DSTYK: variants seen among roughly 807,000 people sequenced by gnomAD.
The protein encoded by DSTYK is RIP-homologous kinase.
A neutral mutation model predicts 98.7 loss-of-function variants in DSTYK; 34 were observed. The ratio of observed to expected loss-of-function variants is 0.34; its 90% CI spans 0.26 to 0.46. The LOEUF (loss-of-function observed/expected upper bound fraction) is 0.46. Among genes scored for constraint, DSTYK ranks in the 20% least tolerant of loss-of-function variants. DSTYK has a pLI of 1.00. For missense variants in DSTYK, 962 were observed against 1,181.7 expected (o/e 0.81, Z 2.73); for synonymous variants, 462 against 457.3 (o/e 1.01, Z -0.13).
chr1:205,175,913 A>G (rs1658215503), intron 2 of DSTYK, among the ~76,000 whole-genome samples: 3 of 152,230 alleles, frequency 2.0e-5, no homozygotes, highest in African/African-American at 7.2e-5. Context: ...AAAATCTTCT[A>G]TCTTTCAACT....
Position 205,169,683 on chromosome 1 carries a change from G to C in DSTYK, c.804C>G (p.Ile268Met). The C allele has an allele frequency of 1.2e-6, 2 of 1,614,198 alleles. No homozygotes were observed. Among genetic ancestry groups the C allele is most frequent in the Non-Finnish European group, 1.7e-6 (2 of 1,180,028 alleles). The change falls in exon 3 of 13, where the codon ATC becomes ATG. Residue 268 changes from isoleucine to methionine, a missense_variant. Ile to Met is a conservative substitution (Grantham distance 10). Transcript: ENST00000367162. This position sits in a 1 kb window ranked among gnomAD's most constrained non-coding sequence, Gnocchi z 4.0. ...SERDEQELQE[I>M]RKYFSFPVFF... ...ATACAGGAAAGGAGAAATACTTTCG[G>C]ATTTCCTGAAGCTCTTGCTCATCCC...
chr1:205,186,132 G>A (rs1034170307), intron 2 of DSTYK, among the ~76,000 whole-genome samples: 2 of 152,236 alleles, frequency 1.3e-5, no homozygotes, highest in Non-Finnish European at 2.9e-5. Flanking sequence ...GAGAGACTGT[G>A]TATGGATGGA....
intron 1 of DSTYK, among the ~76,000 whole-genome samples, chr1:205,205,594 C>T (rs542354517): frequency 4.3e-4 from 65 of 152,050 alleles, no homozygotes; most frequent in African/African-American, 1.5e-3. Context: ...TATAGGCCCG[C>T]ACCGCCATGC....
chr1:205,202,388 CGTTG>C, intron 1 of DSTYK: 2 of 735,570 alleles, frequency 2.7e-6, no homozygotes, highest in Non-Finnish European at 2.5e-6. Context: ...ACAATGGTTG[CGTTG>C]GTTGGTGTGC....
intron 1 of DSTYK, among the ~76,000 whole-genome samples, chr1:205,192,810 C>T (rs990876663): frequency 1.3e-5 from 2 of 151,990 alleles, no homozygotes; most frequent in Admixed American, 1.3e-4. Context: ...TGTAGTGAGC[C>T]GAGATAACGC....
chr1:205,177,854 G>A (rs1185787868), intron 2 of DSTYK, among the ~76,000 whole-genome samples: 1 of 150,762 alleles, frequency 6.6e-6, no homozygotes, highest in Non-Finnish European at 1.5e-5. Context: ...GAGACAGAGC[G>A]AGACTTCATC....
At position 205,144,051 on chromosome 1, in the gene DSTYK, ACC is replaced by A. The variant is rs1657148803; in HGVS notation, c.*3505_*3506del. The A allele has an allele frequency of 6.6e-6, 1 of 152,310 alleles. No individual in the cohort carries two copies. The highest frequency in any genetic ancestry group is 6.6e-5 in the Admixed American group (1 of 15,248). 9.4% of individuals were successfully genotyped at this position (152,310 alleles called of 1,614,324 possible). On this transcript the variant is annotated 3_prime_UTR_variant, in exon 13 of 13. Transcript: ENST00000367162. ...AGGGAACTAAGGTATGCCTGGGGAA[ACC>A]CCACCCAAATGAGCCATGCCAGACA...
At chr1:205,203,603 T>G in intron 1 of DSTYK, among the ~76,000 whole-genome samples, 3 of 130,652 alleles carry the variant, frequency 2.3e-5, no homozygotes, top group Non-Finnish European at 3.2e-5. Context: ...GGGGGCAGAA[T>G]TTCCCAATGT....
rs770444659 is a variant in DSTYK at position 205,169,202 on chromosome 1, C to G, written c.1285G>C (p.Glu429Gln). The G allele has an allele frequency of 3.7e-6, 6 of 1,610,754 alleles. No homozygotes were observed. The Admixed American group carries it at 5.0e-5, about 13-fold the overall frequency. The change falls in exon 3 of 13, where the codon GAG becomes CAG. Residue 429 changes from glutamate (E) to glutamine (Q), a missense_variant. Glu to Gln is a conservative substitution (Grantham distance 29, BLOSUM62 2). Transcript: ENST00000367162. The surrounding 1 kb of genome is among the most constrained non-coding windows in gnomAD (Gnocchi z 4.0). ...TTAGTAGCATCATCCAGAAGTTCCT[C>G]CTTCATGGTATTAAGTGTCTCAACA... ...MIVETLNTMK[E>Q]ELLDDATNME...
intron 1 of DSTYK, among the ~76,000 whole-genome samples, chr1:205,204,738 C>G (rs61823969): frequency 0.19 from 29,472 of 152,092 alleles, 3,218 homozygotes; most frequent in East Asian, 0.4. Flanking sequence ...CATTAGCAGT[C>G]ACCCCTTATT....
chr1:205,209,479 T>C (rs79619752), intron 1 of DSTYK, among the ~76,000 whole-genome samples: 21,235 of 85,030 alleles, frequency 0.25, 4,121 homozygotes, highest in Non-Finnish European at 0.41. Flanking sequence ...TGTCAAAGAC[T>C]AGTTTCAGAA....
At chr1:205,208,866 A>G (rs1659282328) in intron 1 of DSTYK, among the ~76,000 whole-genome samples, 1 of 152,158 alleles carries the variant, frequency 6.6e-6, no homozygotes, top group Admixed American at 6.6e-5. Context: ...GCATCCCTCA[A>G]ATATACATAT....
chr1:205,177,577 C>G (rs1311139761), intron 2 of DSTYK, among the ~76,000 whole-genome samples: 2 of 151,964 alleles, frequency 1.3e-5, no homozygotes, highest in Non-Finnish European at 2.9e-5. Context: ...TAGAAAATAC[C>G]TTGACTTGGC....
intron 3 of DSTYK, among the ~76,000 whole-genome samples, chr1:205,164,682 C>T (rs1038039472): frequency 6.6e-6 from 1 of 151,980 alleles, no homozygotes; most frequent in Non-Finnish European, 1.5e-5. Context: ...AGGATGGTCT[C>T]GATCTCCTGA....
intron 2 of DSTYK, among the ~76,000 whole-genome samples, chr1:205,172,070 C>G (rs1262417453): frequency 6.6e-6 from 1 of 152,128 alleles, no homozygotes. Context: ...AATTCTCCTG[C>G]CTCAGCCTCC....
At position 205,187,705 on chromosome 1, in the gene DSTYK, C is replaced by A. The variant is rs147839849; in HGVS notation, c.367G>T (p.Val123Phe). 6.2e-7 allele frequency: 1 copy of A among 1,614,058 alleles called. No homozygotes were observed. Among genetic ancestry groups the A allele is most frequent in the Non-Finnish European group, 8.5e-7 (1 of 1,180,044 alleles). ...AGCAGATTCAACAGCTGGCACTTGACGTTACAATCCTGGCCGAGGATCAGT... is the reference window on the plus strand; with the variant it reads ...AGCAGATTCAACAGCTGGCACTTGAAGTTACAATCCTGGCCGAGGATCAGT... ...CILILGQDCNVKCQLLNLLLG... is the reference protein window; with the variant it reads ...CILILGQDCNFKCQLLNLLLG... The change falls in exon 2 of 13, where the codon GTC (valine) becomes TTC (phenylalanine). Residue 123 changes from valine (V) to phenylalanine (F), a missense_variant. Val to Phe is a conservative substitution (Grantham distance 50). Transcript: ENST00000367162.
intron 2 of DSTYK, among the ~76,000 whole-genome samples, chr1:205,184,475 G>A (rs987247095): frequency 8.5e-5 from 13 of 152,134 alleles, no homozygotes; most frequent in Non-Finnish European, 1.6e-4. Flanking sequence ...GGGAGGCTAA[G>A]GAAAGAGAAT....
chr1:205,210,636 C>A lies in DSTYK; in HGVS notation c.265+635G>T, dbSNP rs563308716. On this transcript the variant is annotated intron_variant, in intron 1 of 12. Transcript: ENST00000367162. The stretch of plus-strand genomic sequence containing the variant: ...TCCATTGGCTCAGGACCAAAATGAT[C>A]CCTTCCCTCTCTTCTTCACCTTAAG... Among the ~76,000 whole-genome samples the A allele has an allele frequency of 2.0e-5, 3 of 152,192 alleles. No homozygotes were observed. The East Asian group carries it at 5.8e-4, about 29-fold the overall frequency.
Position 205,162,031 on chromosome 1 carries a change from C to T in DSTYK, c.1818+5G>A. 6.2e-7 allele frequency: 1 copy of T among 1,612,358 alleles called. No individual in the cohort carries two copies. Among genetic ancestry groups the T allele is most frequent in the Non-Finnish European group, 8.5e-7 (1 of 1,178,816 alleles). ...CCAGCTGTATCTCCTTTCCTACATA[C>T]CAACCTGCCGCAAGGAGGCTGCAAA... On this transcript the variant is annotated splice_donor_5th_base_variant and intron_variant, in intron 6 of 12. Coordinates refer to ENST00000367162, the MANE Select transcript of DSTYK (RefSeq NM_015375.3).
Sources: gnomAD v4.1 joint callset for allele counts (sites outside exome capture counted in the v4.1 genomes callset) on GRCh38, gnomAD v4.1.1 for gene constraint, Gnocchi (gnomAD v3.1) non-coding constraint, MANE v1.5 for transcripts, NCBI Gene and HGNC (gene_info 2026-07-23, HGNC 2026-07-21) for gene names.